The following MMAA variants were observed in gnomAD, a reference collection of about 807,000 sequenced individuals.
MMAA encodes the protein metabolism of cobalamin associated A, also known as methylmalonic aciduria type A protein, mitochondrial.
A neutral mutation model predicts 45.0 loss-of-function variants in MMAA; 41 were observed. That is an observed-to-expected ratio of 0.91 (90% CI 0.71 to 1.18). MMAA has a LOEUF of 1.18. Among genes scored for constraint, MMAA ranks in the 50% most tolerant of loss-of-function variants. The pLI is 0.00. For synonymous variants in MMAA, 154 were observed against 178.2 expected (o/e 0.86, Z 1.08); for missense variants, 460 against 495.7 (o/e 0.93, Z 0.68).
Position 145,657,962 on chromosome 4 carries a change from G to C in MMAA, c.*2528G>C, listed in dbSNP as rs1243838065. On this transcript the variant is annotated 3_prime_UTR_variant, in exon 7 of 7. Transcript: ENST00000649156. Reference sequence around the variant, plus strand: ...GATCAGATCTCTCATGAATGACTTGGGCCATCCTTTGGGTGGTAAGTGAGC... The same window carrying C: ...GATCAGATCTCTCATGAATGACTTGCGCCATCCTTTGGGTGGTAAGTGAGC... 1.3e-5 allele frequency: 2 copies of C among 152,170 alleles called. No homozygotes were observed. The highest frequency in any genetic ancestry group is 1.3e-4 in the Admixed American group (2 of 15,270). The allele number at this position is 152,170 out of a possible 1,614,324, so 9.4% of individuals were successfully genotyped here. A position where few individuals can be genotyped will look rare whatever the true frequency, so the allele number is the denominator to read the frequency against.
rs1175435098 is a variant in MMAA, at chr4:145,658,261, A to G, written c.*2827A>G. The stretch of plus-strand genomic sequence containing the variant: ...CCAGTCGCAGATATTTATAGAAAGA[A>G]CAGCCTAATACAGGTGCTAAATACA... On this transcript the variant is annotated 3_prime_UTR_variant, in exon 7 of 7. Transcript: ENST00000649156. The G allele has an allele frequency of 1.3e-5, 2 of 152,242 alleles. No homozygotes were observed. Among genetic ancestry groups the G allele is most frequent in the Non-Finnish European group, 2.9e-5 (2 of 68,046 alleles). 9.4% of individuals were successfully genotyped at this position (152,242 alleles called of 1,614,324 possible).
At chr4:145,629,320 CAG>C (rs1367371956) in intron 1 of MMAA, among the ~76,000 whole-genome samples, 1 of 152,040 alleles carries the variant, frequency 6.6e-6, no homozygotes. Context: ...TTAGTAGAGA[CAG>C]GGTTTCACCA....
chr4:145,634,106 C>T (rs1410068434), intron 1 of MMAA, among the ~76,000 whole-genome samples: 4 of 152,208 alleles, frequency 2.6e-5, no homozygotes, highest in African/African-American at 9.6e-5. Flanking sequence ...ATACAGTCAG[C>T]GAGTGGCAAA....
At chr4:145,634,688 C>T (rs1190109474) in intron 1 of MMAA, among the ~76,000 whole-genome samples, 1 of 151,918 alleles carries the variant, frequency 6.6e-6, no homozygotes, top group Non-Finnish European at 1.5e-5. Flanking sequence ...CTGAAGCTAG[C>T]AAGTTTGAGA....
chr4:145,643,458 A>G (rs562120944), intron 3 of MMAA, among the ~76,000 whole-genome samples: 1 of 152,310 alleles, frequency 6.6e-6, no homozygotes, highest in South Asian at 2.1e-4. Context: ...ATACTGTGTT[A>G]TAATGTGGGT....
At chr4:145,645,321 A>G (rs1727896579) in intron 3 of MMAA, among the ~76,000 whole-genome samples, 1 of 152,198 alleles carries the variant, frequency 6.6e-6, no homozygotes. Context: ...TGGGCTGAAA[A>G]GGTTCCAGGC....
chr4:145,637,047 AGGTTAT>A (rs2126615446), intron 1 of MMAA, among the ~76,000 whole-genome samples: 1 of 152,352 alleles, frequency 6.6e-6, no homozygotes, highest in South Asian at 2.1e-4. Context: ...TATTAATAGA[AGGTTAT>A]GGTATAATGG....
chr4:145,636,306 C>T (rs1727606375), intron 1 of MMAA, among the ~76,000 whole-genome samples: 1 of 152,196 alleles, frequency 6.6e-6, no homozygotes, highest in African/African-American at 2.4e-5. Context: ...CAGTCTAGGT[C>T]CTCATCATCT....
In MMAA at chr4:145,655,057, C is replaced by T. The variant is rs188047952; in HGVS notation, c.970-90C>T. On this transcript the variant is annotated intron_variant, in intron 6 of 6. Transcript: ENST00000649156. ...TTGTCAATTGCCTATTTTTGTAGAC[C>T]GTAAGAATTAACTGGCAGGTATCAG... is the stretch of plus-strand genomic sequence containing the variant. The T allele has an allele frequency of 9.6e-4, 1,339 of 1,392,642 alleles. 1 individual carries two copies. The highest frequency in any genetic ancestry group is 1.3e-3 in the Non-Finnish European group (1,248 of 994,274). 86.3% of individuals were successfully genotyped at this position (1,392,642 alleles called of 1,614,324 possible).
rs553645301 is a variant in MMAA, at chr4:145,624,033, A to G, written c.-66+4626A>G. The G allele has an allele frequency of 5.3e-5, 40 of 759,184 alleles. No individual in the cohort carries two copies. The African/African-American group carries it at 6.3e-4, about 12-fold the overall frequency. 47.0% of individuals were successfully genotyped at this position (759,184 alleles called of 1,614,324 possible). ...ACTCACTTCACTTTACTAGTTCAAA[A>G]TTAGGCAGGAGAAGAACTAAGCTAA... On this transcript the variant is annotated intron_variant, in intron 1 of 6. Transcript: ENST00000649156.
At chr4:145,642,693 A>AGT in intron 3 of MMAA, 1 of 613,904 alleles carries the variant, frequency 1.6e-6, no homozygotes, top group Admixed American at 2.7e-5. Flanking sequence ...TGGATAGCTC[A>AGT]GTGGGCACTC....
intron 4 of MMAA, 172 bp from the exon 5 acceptor site, chr4:145,650,890 T>A (rs1451754463): frequency 1.5e-6 from 1 of 671,810 alleles, no homozygotes; most frequent in Non-Finnish European, 2.7e-6. Context: ...GCTTAGAGGG[T>A]AAGATATGAC....
chr4:145,650,711 A>C, intron 4 of MMAA: 1 of 299,614 alleles, frequency 3.3e-6, no homozygotes, highest in South Asian at 4.0e-5. Flanking sequence ...GACAAAAAAG[A>C]TGAAAGTATT....
chr4:145,624,398 G>A (rs1435180845), intron 1 of MMAA: 4 of 783,434 alleles, frequency 5.1e-6, no homozygotes, highest in Non-Finnish European at 9.3e-6. Flanking sequence ...AGTCAGCTGT[G>A]TTAAAGGAAC....
intron 1 of MMAA, among the ~76,000 whole-genome samples, chr4:145,628,820 G>T (rs1039227803): frequency 3.3e-5 from 5 of 152,062 alleles, no homozygotes; most frequent in African/African-American, 9.7e-5. Context: ...CAACATAAAA[G>T]CACCATAATA....
chr4:145,620,548 A>G (rs989200418), intron 1 of MMAA, among the ~76,000 whole-genome samples: 3 of 152,228 alleles, frequency 2.0e-5, no homozygotes, highest in East Asian at 1.9e-4. Context: ...TTTAGTTAAC[A>G]CACACCTTCT....
chr4:145,639,146 A>G lies in MMAA; in HGVS notation c.7A>G (p.Met3Val), dbSNP rs527340737. 39 of 1,614,216 alleles carry G rather than the reference A, an allele frequency of 2.4e-5. No individual in the cohort carries two copies. The African/African-American group carries it at 3.6e-4, about 15-fold the overall frequency. The change falls in exon 2 of 7, where the codon ATG becomes GTG. Residue 3 changes from methionine (M) to valine (V), a missense_variant. Coordinates refer to ENST00000649156, the MANE Select transcript of MMAA (RefSeq NM_172250.3). The stretch of plus-strand genomic sequence containing the variant: ...AGTTACAAATAAAACGAATATGCCC[A>G]TGCTGCTACCACATCCTCACCAGCA... MP[M>V]LLPHPHQHFL...
At chr4:145,651,975 C>T (rs943709427) in intron 5 of MMAA, among the ~76,000 whole-genome samples, 3 of 152,124 alleles carry the variant, frequency 2.0e-5, no homozygotes, top group Admixed American at 6.5e-5. Flanking sequence ...CAGTAATGCT[C>T]GCCCCCCTGC....
rs754474832 is a variant in MMAA at position 145,655,276 on chromosome 4, A to G, written c.1099A>G (p.Met367Val). 6 of 1,614,174 alleles carry G rather than the reference A, an allele frequency of 3.7e-6. No homozygotes were observed. The highest frequency in any genetic ancestry group is 1.1e-5 in the South Asian group (1 of 91,090). The change falls in exon 7 of 7, where the codon ATG becomes GTG. Residue 367 changes from methionine (M) to valine (V), a missense_variant. Transcript: ENST00000649156. ...AKRRKQQKVW[M>V]WNLIQESVLE... ...ACGACGGAAGCAACAGAAAGTTTGG[A>G]TGTGGAATCTCATTCAGGAAAGTGT... is the stretch of plus-strand genomic sequence containing the variant.
Sources: allele counts gnomAD v4.1 joint callset (sites outside exome capture counted in the v4.1 genomes callset), GRCh38; gene constraint gnomAD v4.1.1; transcripts MANE v1.5; gene names NCBI Gene and HGNC (gene_info 2026-07-23, HGNC 2026-07-21).